STK4: variants seen among roughly 807,000 people sequenced by gnomAD.
STK4 encodes serine/threonine kinase 4.
Under a neutral mutation model 64.9 loss-of-function variants are expected in STK4, and 30 were observed. The ratio of observed to expected loss-of-function variants is 0.46; its 90% CI spans 0.35 to 0.63. The LOEUF is 0.63. Ranked by LOEUF, STK4 falls within the 20% of genes least tolerant of loss-of-function variation. The pLI, the probability that STK4 is intolerant of heterozygous loss-of-function variation, is 0.01. For missense variants in STK4, 466 were observed against 598.5 expected (o/e 0.78, Z 2.31); for synonymous variants, 177 against 199.0 (o/e 0.89, Z 0.93).
chr20:45,051,600 C>T (rs1390733167), intron 10 of STK4, among the ~76,000 whole-genome samples: 2 of 152,196 alleles, frequency 1.3e-5, no homozygotes, highest in East Asian at 3.8e-4. Flanking sequence ...TTTTCAACTG[C>T]AGCGATGCAT....
intron 10 of STK4, among the ~76,000 whole-genome samples, chr20:45,061,920 C>G (rs7263949): frequency 0.25 from 36,136 of 142,176 alleles, 5,189 homozygotes; most frequent in Middle Eastern, 0.45. Flanking sequence ...CTGTCTGTCG[C>G]CCACGCTGGA....
chr20:45,065,545 A>G, intron 10 of STK4, among the ~76,000 whole-genome samples: 1 of 152,164 alleles, frequency 6.6e-6, no homozygotes. Flanking sequence ...TTTCTGGAAT[A>G]GTTTCAGTAG....
intron 2 of STK4, among the ~76,000 whole-genome samples, chr20:44,973,897 G>A (rs956996562): frequency 2.0e-5 from 3 of 152,152 alleles, no homozygotes; most frequent in African/African-American, 7.2e-5. Flanking sequence ...ATCAACTGAA[G>A]CATTTTCAAG....
intron 1 of STK4, among the ~76,000 whole-genome samples, chr20:44,968,142 C>CTT (rs34448683): frequency 2.0e-4 from 29 of 145,658 alleles, no homozygotes; most frequent in East Asian, 4.0e-4. Flanking sequence ...AGTCCATGTT[C>CTT]TTTTTTTTTT....
At chr20:45,067,706 T>C (rs767622712) in intron 10 of STK4, among the ~76,000 whole-genome samples, 98 of 152,372 alleles carry the variant, frequency 6.4e-4, no homozygotes, top group Non-Finnish European at 1.0e-3. Context: ...CCAGTGGCAC[T>C]CTGGGCCAAT....
chr20:45,069,002 C>G (rs555472850), intron 10 of STK4, among the ~76,000 whole-genome samples: 1 of 152,348 alleles, frequency 6.6e-6, no homozygotes, highest in African/African-American at 2.4e-5. Context: ...GAAATCTCAT[C>G]TGCACAAATG....
At chr20:44,975,007 A>C (rs2067315028) in intron 2 of STK4, 1 of 152,218 alleles carries the variant, frequency 6.6e-6, no homozygotes, top group Non-Finnish European at 1.5e-5. Flanking sequence ...TTCTACTTAA[A>C]GTTGTACACA....
chr20:45,045,036 CTTATTT>C (rs1364728068), intron 10 of STK4, among the ~76,000 whole-genome samples: 1 of 152,142 alleles, frequency 6.6e-6, no homozygotes, highest in Non-Finnish European at 1.5e-5. Context: ...AGTATTATCA[CTTATTT>C]TTATTTCACA....
At chr20:45,067,217 C>T (rs1568770539) in intron 10 of STK4, among the ~76,000 whole-genome samples, 1 of 152,130 alleles carries the variant, frequency 6.6e-6, no homozygotes, top group Non-Finnish European at 1.5e-5. Context: ...TCGAGCTTCC[C>T]TGTCATCTTG....
chr20:45,007,744 T>C, intron 9 of STK4: 1 of 404,528 alleles, frequency 2.5e-6, no homozygotes, highest in Non-Finnish European at 4.9e-6. Context: ...TCGAAACAAT[T>C]GTTTATTCAT....
chr20:44,982,047 G>T, intron 4 of STK4, 104 bp downstream of exon 4: 4 of 611,968 alleles, frequency 6.5e-6, no homozygotes, highest in Non-Finnish European at 2.9e-6. Context: ...ACGACTGTCA[G>T]ATTTCCCCTT....
chr20:44,990,928 T>C (rs1337157022), intron 5 of STK4, among the ~76,000 whole-genome samples: 1 of 152,192 alleles, frequency 6.6e-6, no homozygotes, highest in African/African-American at 2.4e-5. Context: ...AATCAGGTTG[T>C]TTCCTAGTTT....
chr20:45,066,180 C>T (rs1408130010), intron 10 of STK4, among the ~76,000 whole-genome samples: 2 of 89,288 alleles, frequency 2.2e-5, no homozygotes, highest in Non-Finnish European at 4.9e-5. Context: ...CATTATATAT[C>T]TACACACACA....
intron 9 of STK4, among the ~76,000 whole-genome samples, chr20:45,008,320 G>A (rs56402812): frequency 0.046 from 6,991 of 152,254 alleles, 530 homozygotes; most frequent in African/African-American, 0.16. Flanking sequence ...CTCCCAAAGT[G>A]CTGGGATTAC....
chr20:45,060,951 G>A (rs1006177873), intron 10 of STK4, among the ~76,000 whole-genome samples: 4 of 152,074 alleles, frequency 2.6e-5, no homozygotes, highest in African/African-American at 9.7e-5. Flanking sequence ...ACACAGAGTG[G>A]GTACTGGCTA....
chr20:44,974,607 A>G (rs568970312), intron 2 of STK4: 1 of 152,358 alleles, frequency 6.6e-6, no homozygotes, highest in Non-Finnish European at 1.5e-5. Context: ...AGTAGCTGGG[A>G]CTATAGGCAC....
At chr20:44,972,761 A>G (rs1235083979) in intron 2 of STK4, 1 of 152,126 alleles carries the variant, frequency 6.6e-6, no homozygotes, top group Non-Finnish European at 1.5e-5. Context: ...TTTTAATTCA[A>G]TCCTGTGTAT....
chr20:45,055,116 T>A (rs1159052941), intron 10 of STK4, among the ~76,000 whole-genome samples: 4 of 152,216 alleles, frequency 2.6e-5, no homozygotes, highest in Non-Finnish European at 5.9e-5. Flanking sequence ...AGTGACCTTG[T>A]TACTCTGCCG....
chr20:44,976,139 TACA>T (rs763732594), intron 2 of STK4, among the ~76,000 whole-genome samples: 1 of 152,182 alleles, frequency 6.6e-6, no homozygotes, highest in Non-Finnish European at 1.5e-5. Context: ...CAATGAAAAC[TACA>T]ACAATTGAAG....
Sources: allele counts gnomAD v4.1 joint callset (sites outside exome capture counted in the v4.1 genomes callset), GRCh38; gene constraint gnomAD v4.1.1; transcripts MANE v1.5; gene names NCBI Gene and HGNC (gene_info 2026-07-23, HGNC 2026-07-21).